Variants in MYO18B observed in about 807,000 individuals in gnomAD.
The protein encoded by MYO18B is unconventional myosin-XVIIIb.
In MYO18B, 204 loss-of-function variants were observed where a neutral mutation model predicts 273.0. That is an observed-to-expected ratio of 0.75 (90% CI 0.67 to 0.84). MYO18B has a LOEUF of 0.84. Among genes scored for constraint, MYO18B ranks in the 40% least tolerant of loss-of-function variants. The pLI is 0.00. For missense variants in MYO18B, 3,212 were observed against 3,287.6 expected (o/e 0.98, Z 0.56); for synonymous variants, 1,330 against 1,305.7 (o/e 1.02, Z -0.40).
chr22:25,839,553 C>CA (rs1242577078), intron 17 of MYO18B, among the ~76,000 whole-genome samples: 4 of 152,180 alleles, frequency 2.6e-5, no homozygotes, highest in Admixed American at 2.6e-4. Flanking sequence ...ACCCCAGCTA[C>CA]AGGGAGGTGA....
At chr22:25,803,967 AACACACACACACACACAC>A (rs151023852) in intron 12 of MYO18B, among the ~76,000 whole-genome samples, 72 of 136,960 alleles carry the variant, frequency 5.3e-4, no homozygotes, top group African/African-American at 1.7e-3. Flanking sequence ...TGACCCAGTG[AACACACACACACACACAC>A]ACACACACAC....
intron 1 of MYO18B, among the ~76,000 whole-genome samples, chr22:25,744,312 G>T (rs1423111650): frequency 6.6e-6 from 1 of 152,154 alleles, no homozygotes; most frequent in Non-Finnish European, 1.5e-5. Context: ...AGGGACCTGG[G>T]GCTGTGAGCC....
chr22:25,755,702 C>T (rs777395999), intron 1 of MYO18B, among the ~76,000 whole-genome samples: 3 of 152,282 alleles, frequency 2.0e-5, no homozygotes, highest in East Asian at 1.9e-4. Flanking sequence ...TATTTGTTCA[C>T]GGGACAGCTG....
chr22:26,052,456 T>C, the MYO18B span, among the ~76,000 whole-genome samples: 1 of 152,198 alleles, frequency 6.6e-6, no homozygotes, highest in African/African-American at 2.4e-5. Flanking sequence ...GATTAATGGA[T>C]GTATATTCTC....
At chr22:26,034,965 C>T (rs552640050), downstream of MYO18B, among the ~76,000 whole-genome samples, 8 of 152,300 alleles carry the variant, frequency 5.3e-5, no homozygotes, top group South Asian at 6.2e-4. Context: ...GCCCTGTCTT[C>T]GTGAAGCTTA....
At chr22:25,841,227 G>T (rs537852886) in intron 17 of MYO18B, among the ~76,000 whole-genome samples, 2 of 152,302 alleles carry the variant, frequency 1.3e-5, no homozygotes, top group African/African-American at 4.8e-5. Context: ...GCCCTCTCTG[G>T]GGGGTTCAGG....
chr22:25,849,033 C>A (rs2090342514), intron 20 of MYO18B, among the ~76,000 whole-genome samples: 1 of 152,240 alleles, frequency 6.6e-6, no homozygotes. Context: ...ACCCGCACAG[C>A]CGCAGAGGAG....
chr22:25,847,767 A>T lies in MYO18B; in HGVS notation c.3775+115A>T, dbSNP rs993314332. 2.5e-5 allele frequency: 18 copies of T among 730,844 alleles called. No individual in the cohort carries two copies. In the African/African-American group the frequency reaches 2.6e-4, roughly 11 times the overall value. The allele number at this position is 730,844 out of a possible 1,614,324, so 45.3% of individuals were successfully genotyped here. A position where few individuals can be genotyped will look rare whatever the true frequency, so the allele number is the denominator to read the frequency against. ...ATGTGCTAGGAGCTTCACACCCAGC[A>T]TCCTGGTTACTCTTCCCAGCAGTCT... On this transcript the variant is annotated intron_variant, in intron 20 of 43. Coordinates refer to ENST00000335473, the MANE Select transcript of MYO18B (RefSeq NM_032608.7).
intron 28 of MYO18B, chr22:25,897,330 A>T (rs2091830127): frequency 6.6e-6 from 1 of 152,238 alleles, no homozygotes; most frequent in African/African-American, 2.4e-5. Context: ...GTGAGATCAC[A>T]TGGGATTTTA....
intron 38 of MYO18B, among the ~76,000 whole-genome samples, chr22:25,953,150 G>A (rs900439756): frequency 1.4e-4 from 22 of 152,248 alleles, no homozygotes; most frequent in Middle Eastern, 3.4e-3. Flanking sequence ...CCCTTGAGCT[G>A]GGAACACAGG....
intron 38 of MYO18B, among the ~76,000 whole-genome samples, chr22:25,954,061 A>C (rs977688019): frequency 3.9e-5 from 6 of 152,238 alleles, no homozygotes; most frequent in Non-Finnish European, 5.9e-5. Context: ...AGTCCTTAGC[A>C]GGGGCTTGAA....
chr22:25,961,482 AT>A (rs1394430500), intron 39 of MYO18B, among the ~76,000 whole-genome samples: 1 of 152,192 alleles, frequency 6.6e-6, no homozygotes, highest in Non-Finnish European at 1.5e-5. Flanking sequence ...CAGTTTTGCC[AT>A]TAATTTTAGT....
At chr22:25,880,227 A>T (rs535465622) in intron 25 of MYO18B, among the ~76,000 whole-genome samples, 1 of 152,204 alleles carries the variant, frequency 6.6e-6, no homozygotes, top group Non-Finnish European at 1.5e-5. Flanking sequence ...CAAAGTAAAT[A>T]ATATTTTAAA....
chr22:25,768,252 C>T lies in MYO18B; in HGVS notation c.336C>T (p.Ser112=), dbSNP rs2086576523. Residue 112 remains serine (S), a synonymous_variant, in exon 4 of 44, where the codon TCC becomes TCT. Coordinates refer to ENST00000335473, the MANE Select transcript of MYO18B (RefSeq NM_032608.7). ...SDILGKESEG[S]RSPDPEQMTS... ...TTCTGGGCAAGGAGAGCGAGGGGTC[C>T]CGCAGCCCCGACCCTGAGCAGATGA... 2 of 1,613,880 alleles carry T rather than the reference C, an allele frequency of 1.2e-6. No individual in the cohort carries two copies. The highest frequency in any genetic ancestry group is 2.7e-5 in the African/African-American group (2 of 74,934).
chr22:25,846,071 T>A, intron 18 of MYO18B, 29 bp from the exon 19 acceptor site: 1 of 1,485,614 alleles, frequency 6.7e-7, no homozygotes, highest in Non-Finnish European at 8.9e-7. Flanking sequence ...CTCCTAAAGC[T>A]CCTCTCTCTT....
Position 25,874,336 on chromosome 22 carries a change from G to A in MYO18B, c.4002G>A (p.Lys1334=). ...VISRLEKQRE[K]LVSQSIVLFQ... ...CCAGGCTTGAGAAGCAGCGAGAGAA[G>A]CTGGTATCTCAGAGCATCGTTCTCT... The change falls in exon 23 of 44, where the codon AAG becomes AAA. Residue 1334 remains lysine (K), a synonymous_variant. Coordinates refer to ENST00000335473, the MANE Select transcript of MYO18B (RefSeq NM_032608.7). 4 of 1,613,994 alleles carry A rather than the reference G, an allele frequency of 2.5e-6. No homozygotes were observed. The highest frequency in any genetic ancestry group is 3.4e-6 in the Non-Finnish European group (4 of 1,179,892).
At chr22:26,003,461 A>G (rs1934158920) in intron 41 of MYO18B, among the ~76,000 whole-genome samples, 152 bp downstream of exon 41, 1 of 152,230 alleles carries the variant, frequency 6.6e-6, no homozygotes, top group South Asian at 2.1e-4. Context: ...CTATAGCACT[A>G]GGAACATCGT....
chr22:25,845,223 A>G (rs2090198948), intron 18 of MYO18B, among the ~76,000 whole-genome samples: 1 of 152,174 alleles, frequency 6.6e-6, no homozygotes, highest in African/African-American at 2.4e-5. Flanking sequence ...GACACTTGAA[A>G]AGCTGGCACC....
At chr22:25,993,616 C>G (rs917907155) in intron 40 of MYO18B, among the ~76,000 whole-genome samples, 4 of 152,200 alleles carry the variant, frequency 2.6e-5, no homozygotes, top group African/African-American at 9.6e-5. Context: ...AGCAAATTAG[C>G]TTCATACACT....
Sources: gnomAD v4.1 joint callset for allele counts (sites outside exome capture counted in the v4.1 genomes callset) on GRCh38, gnomAD v4.1.1 for gene constraint, MANE v1.5 for transcripts, NCBI Gene and HGNC (gene_info 2026-07-23, HGNC 2026-07-21) for gene names.